SHANK2: variants seen among roughly 807,000 people sequenced by gnomAD.
SHANK2 encodes the protein SH3 and multiple ankyrin repeat domains protein 2.
Under a neutral mutation model 133.7 loss-of-function variants are expected in SHANK2, and 43 were observed. That is an observed-to-expected ratio of 0.32 (90% CI 0.25 to 0.41). The LOEUF (loss-of-function observed/expected upper bound fraction) is 0.41. Among genes scored for constraint, SHANK2 ranks in the 10% least tolerant of loss-of-function variants. The probability of loss-of-function intolerance (pLI) is 1.00; values close to 1 mark genes in which losing one functional copy is unlikely to be tolerated. For synonymous variants in SHANK2, 1,017 were observed against 952.8 expected (o/e 1.07, Z -1.24); for missense variants, 1,994 against 2,235.8 (o/e 0.89, Z 2.18).
Position 71,186,729 on chromosome 11 carries a change from G to C in SHANK2, c.-13+37968C>G, listed in dbSNP as rs1953679761. ...CCTCAGTGACTTGGTTAACTTTTCG[G>C]GTTAGTGGCACATTATTTCTGTGAA... is the stretch of plus-strand genomic sequence containing the variant. On this transcript the variant is annotated intron_variant, in intron 2 of 25. Coordinates refer to ENST00000601538, the MANE Select transcript of SHANK2 (RefSeq NM_012309.5). Among the ~76,000 whole-genome samples, 3 of 152,204 alleles carry C rather than the reference G, an allele frequency of 2.0e-5. No homozygotes were observed. The South Asian group carries it at 6.2e-4, about 31-fold the overall frequency.
At chr11:70,530,084 G>A (rs1399465597) in intron 17 of SHANK2, among the ~76,000 whole-genome samples, 1 of 152,168 alleles carries the variant, frequency 6.6e-6, no homozygotes, top group Non-Finnish European at 1.5e-5. Flanking sequence ...GGAATGCAGG[G>A]ACTCAAGCAG....
At chr11:70,513,613 T>TA (rs1405663261) in intron 17 of SHANK2, among the ~76,000 whole-genome samples, 1 of 152,184 alleles carries the variant, frequency 6.6e-6, no homozygotes, top group Non-Finnish European at 1.5e-5. Flanking sequence ...AGAAGGACTT[T>TA]AAAAAACAGC....
intron 14 of SHANK2, among the ~76,000 whole-genome samples, chr11:70,736,656 A>G (rs1555033643): frequency 6.6e-6 from 1 of 151,928 alleles, no homozygotes; most frequent in Non-Finnish European, 1.5e-5. Flanking sequence ...GGACTTCTGG[A>G]CTCCTGAACT....
intron 12 of SHANK2, among the ~76,000 whole-genome samples, chr11:70,817,488 G>T (rs1948423411): frequency 1.3e-5 from 2 of 152,218 alleles, no homozygotes; most frequent in African/African-American, 2.4e-5. Flanking sequence ...CCCACAGTTA[G>T]GGGGACTGGC....
At chr11:70,502,741 A>AC (rs1555159047) in intron 18 of SHANK2, 55 bp downstream of exon 18, 62,897 of 369,278 alleles carry the variant, frequency 0.17, 6,874 homozygotes, top group East Asian at 0.3. Flanking sequence ...GCCCGCCCCC[A>AC]CCCCCCCCCC....
intron 1 of SHANK2, among the ~76,000 whole-genome samples, chr11:71,242,945 TAAAC>T (rs1322934380): frequency 4.6e-5 from 7 of 152,208 alleles, no homozygotes; most frequent in Admixed American, 6.5e-5. Context: ...ATGTGGAAAT[TAAAC>T]AGACATCTAA....
In SHANK2 at chr11:70,739,445, C is replaced by T. The variant is rs184878373; in HGVS notation, c.1778-40682G>A. ...GCCTTGACGCCCAGGCTGCCCCGTC[C>T]TCTCCTCTTGCCCCTGAAGTCTACC... On this transcript the variant is annotated intron_variant, in intron 14 of 25. Coordinates refer to ENST00000601538, the MANE Select transcript of SHANK2 (RefSeq NM_012309.5). The surrounding 1 kb of genome is among the most constrained non-coding windows in gnomAD (Gnocchi z 4.3). Among the ~76,000 whole-genome samples, 19 of 152,322 alleles carry T rather than the reference C, an allele frequency of 1.2e-4. No individual in the cohort carries two copies. The highest frequency in any genetic ancestry group is 2.1e-4 in the Non-Finnish European group (14 of 68,022).
At chr11:70,528,618 C>G (rs1359786260) in intron 17 of SHANK2, among the ~76,000 whole-genome samples, 1 of 152,092 alleles carries the variant, frequency 6.6e-6, no homozygotes. Flanking sequence ...CAGGCAGAAG[C>G]AGGCCCGGCA....
intron 11 of SHANK2, among the ~76,000 whole-genome samples, chr11:70,893,334 A>G (rs782262906): frequency 3.9e-5 from 6 of 152,238 alleles, no homozygotes; most frequent in African/African-American, 7.2e-5. Flanking sequence ...CCTCCCCACC[A>G]CATACCCAGC....
intron 14 of SHANK2, among the ~76,000 whole-genome samples, chr11:70,742,289 C>T (rs1157782515): frequency 5.9e-5 from 9 of 152,126 alleles, no homozygotes; most frequent in East Asian, 1.9e-4. Context: ...TGGACTGTTG[C>T]GCACTCTGGG....
At chr11:70,527,711 G>C (rs948500) in intron 17 of SHANK2, among the ~76,000 whole-genome samples, 130,589 of 152,262 alleles carry the variant, frequency 0.86, 58,554 homozygotes, top group East Asian at 0.99. Flanking sequence ...GGATGTGGTG[G>C]TGACTCAGAC....
At chr11:71,107,263 T>C (rs1184379606) in intron 6 of SHANK2, among the ~76,000 whole-genome samples, 1 of 152,196 alleles carries the variant, frequency 6.6e-6, no homozygotes. Context: ...CATTCTTCCC[T>C]GCACGCATTC....
intron 2 of SHANK2, among the ~76,000 whole-genome samples, chr11:71,160,336 C>G (rs1389423889): frequency 1.3e-5 from 2 of 152,166 alleles, no homozygotes; most frequent in Non-Finnish European, 2.9e-5. Flanking sequence ...TGCTAAGGCC[C>G]TAACCCCCAA....
intron 14 of SHANK2, among the ~76,000 whole-genome samples, chr11:70,798,115 C>T (rs1393881795): frequency 6.6e-6 from 1 of 152,076 alleles, no homozygotes; most frequent in African/African-American, 2.4e-5. Context: ...TTTATGCCAT[C>T]GATAGAAGAG....
At chr11:71,128,808 CAG>C (rs1555103199) in intron 3 of SHANK2, among the ~76,000 whole-genome samples, 3 of 152,174 alleles carry the variant, frequency 2.0e-5, no homozygotes, top group Non-Finnish European at 4.4e-5. Flanking sequence ...TTTTTTGAGT[CAG>C]AGTCTCACTC....
At chr11:70,856,665 G>C (rs1385591099) in intron 11 of SHANK2, among the ~76,000 whole-genome samples, 2 of 152,174 alleles carry the variant, frequency 1.3e-5, no homozygotes, top group Non-Finnish European at 2.9e-5. Context: ...CCTCTAGGGG[G>C]TGTGAGTTTA....
chr11:70,681,581 C>T (rs1489340585), intron 15 of SHANK2, among the ~76,000 whole-genome samples: 1 of 152,182 alleles, frequency 6.6e-6, no homozygotes, highest in African/African-American at 2.4e-5. Flanking sequence ...CATCCAGGCT[C>T]TCAGCCGGAT....
intron 11 of SHANK2, among the ~76,000 whole-genome samples, chr11:70,883,103 C>A (rs1340560663): frequency 1.3e-5 from 2 of 152,132 alleles, no homozygotes; most frequent in Admixed American, 6.5e-5. Flanking sequence ...CCCTGGGGAC[C>A]CTTGTCAAGT....
intron 17 of SHANK2, among the ~76,000 whole-genome samples, chr11:70,511,499 G>A (rs2059204507): frequency 6.6e-6 from 1 of 152,070 alleles, no homozygotes; most frequent in Non-Finnish European, 1.5e-5. Context: ...ATGGGGTTTC[G>A]GTGCCCCTCA....
Sources: allele counts gnomAD v4.1 joint callset (sites outside exome capture counted in the v4.1 genomes callset), GRCh38; gene constraint gnomAD v4.1.1; non-coding constraint Gnocchi (gnomAD v3.1); transcripts MANE v1.5; gene names NCBI Gene and HGNC (gene_info 2026-07-23, HGNC 2026-07-21).